The following CLDN10 variants were observed in gnomAD, a reference collection of about 807,000 sequenced individuals.
CLDN10 encodes the protein claudin 10.
In CLDN10, 15 loss-of-function variants were observed where a neutral mutation model predicts 22.9. The ratio of observed to expected loss-of-function variants is 0.65; its 90% confidence interval spans 0.44 to 1.01. The LOEUF is 1.01. CLDN10 is among the 50% of genes least tolerant of loss of function. The probability of loss-of-function intolerance (pLI) is 0.00; values close to 1 mark genes in which losing one functional copy is unlikely to be tolerated. For missense variants in CLDN10, 247 were observed against 287.8 expected (o/e 0.86, Z 1.03); for synonymous variants, 114 against 111.4 (o/e 1.02, Z -0.15).
upstream of CLDN10, among the ~76,000 whole-genome samples, chr13:95,548,807 G>A (rs939070979): frequency 3.9e-5 from 6 of 152,050 alleles, no homozygotes; most frequent in African/African-American, 1.2e-4. Context: ...TTAGCAGCAC[G>A]CCACCTCACT....
intron 1 of CLDN10, among the ~76,000 whole-genome samples, chr13:95,545,960 G>A (rs1005092605): frequency 6.6e-6 from 1 of 152,198 alleles, no homozygotes; most frequent in African/African-American, 2.4e-5. Flanking sequence ...CTTACTGTGT[G>A]TGTGGACTCA....
intron 1 of CLDN10, among the ~76,000 whole-genome samples, chr13:95,554,910 C>A (rs1424239853): frequency 6.6e-6 from 1 of 152,140 alleles, no homozygotes; most frequent in Non-Finnish European, 1.5e-5. Context: ...AGACTCCATT[C>A]CACTGAGAAA....
chr13:95,545,763 G>A (rs964755768), intron 1 of CLDN10, among the ~76,000 whole-genome samples: 17 of 152,068 alleles, frequency 1.1e-4, no homozygotes, highest in Middle Eastern at 3.4e-3. Flanking sequence ...GAGAAGGAGC[G>A]TCCACAGCAC....
intron 3 of CLDN10, among the ~76,000 whole-genome samples, chr13:95,564,535 T>G (rs751094962): frequency 7.9e-5 from 12 of 152,236 alleles, no homozygotes; most frequent in Non-Finnish European, 1.5e-4. Flanking sequence ...GAAAAGAGTT[T>G]AGACCTCAGA....
At chr13:95,473,831 C>T (rs778934655) in intron 1 of CLDN10, among the ~76,000 whole-genome samples, 11 of 152,226 alleles carry the variant, frequency 7.2e-5, no homozygotes, top group African/African-American at 1.4e-4. Context: ...CCAGCTCTGC[C>T]GCCAGGCTGT....
intron 1 of CLDN10, among the ~76,000 whole-genome samples, chr13:95,537,041 G>A (rs758439406): frequency 2.0e-5 from 3 of 152,176 alleles, no homozygotes; most frequent in Non-Finnish European, 4.4e-5. Context: ...TCAGAGCAGA[G>A]CTAAGGCTTG....
chr13:95,486,392 G>A (rs4432134), intron 1 of CLDN10, among the ~76,000 whole-genome samples: 87,303 of 151,656 alleles, frequency 0.58, 25,932 homozygotes, highest in African/African-American at 0.73. Flanking sequence ...GCATGGTGGC[G>A]TGCGCCTGTA....
In CLDN10 at chr13:95,552,993, C is replaced by T. The variant is rs907066795; in HGVS notation, c.220+20C>T. 1 of 1,612,118 alleles carries T rather than the reference C, an allele frequency of 6.2e-7. No homozygotes were observed. The highest frequency in any genetic ancestry group is 1.1e-5 in the South Asian group (1 of 90,926). On this transcript the variant is annotated intron_variant, in intron 1 of 4. Transcript: ENST00000299339. ...TGGACGGTCTGCATCCCCGCGGCCC[C>T]CGCCCTCAGCCCTCCTTCCTTGATG...
At chr13:95,577,166 A>G in intron 3 of CLDN10, 65 bp from the exon 4 acceptor site, 1 of 987,796 alleles carries the variant, frequency 1.0e-6, no homozygotes, top group South Asian at 1.4e-5. Flanking sequence ...GTTGACTATC[A>G]GTGTTAAATA....
chr13:95,549,627 A>G (rs1039960374), upstream of CLDN10, among the ~76,000 whole-genome samples: 2 of 152,184 alleles, frequency 1.3e-5, no homozygotes, highest in Admixed American at 1.3e-4. Flanking sequence ...GAAAGTTAAC[A>G]TTTTTCATTC....
chr13:95,483,863 A>G (rs1353745592), intron 1 of CLDN10, among the ~76,000 whole-genome samples: 1 of 152,166 alleles, frequency 6.6e-6, no homozygotes, highest in Non-Finnish European at 1.5e-5. Context: ...CTAACCCCCA[A>G]GGTGATGGTA....
chr13:95,563,145 C>G (rs923804378), intron 3 of CLDN10, among the ~76,000 whole-genome samples: 6 of 125,726 alleles, frequency 4.8e-5, no homozygotes, highest in African/African-American at 1.7e-4. Flanking sequence ...TGTCTGTATT[C>G]TCATCTGTAA....
At chr13:95,489,281 G>C (rs183952589) in intron 1 of CLDN10, among the ~76,000 whole-genome samples, 1 of 152,072 alleles carries the variant, frequency 6.6e-6, no homozygotes, top group Admixed American at 6.5e-5. Context: ...TCTCTACACT[G>C]TTTTCCATAG....
intron 1 of CLDN10, among the ~76,000 whole-genome samples, chr13:95,544,569 G>A (rs1185912170): frequency 6.6e-6 from 1 of 152,128 alleles, no homozygotes; most frequent in Admixed American, 6.6e-5. Flanking sequence ...GAACCACAAA[G>A]AGAGGTGTGT....
In CLDN10 at chr13:95,552,733, A is replaced by T. The variant is rs1367830411; in HGVS notation, c.-21A>T. ...GGCGCAGAGTGGGAGCCGGAGAGCG[A>T]GCGCGGCTGCAGCCGGCGGCATGGC... On this transcript the variant is annotated 5_prime_UTR_variant, in exon 1 of 5. Transcript: ENST00000299339. 2 of 1,600,890 alleles carry T rather than the reference A, an allele frequency of 1.2e-6. No individual in the cohort carries two copies. The highest frequency in any genetic ancestry group is 8.5e-7 in the Non-Finnish European group (1 of 1,174,252).
At chr13:95,505,749 CTTTTTTTTTTTTTT>C (rs34828390) in intron 1 of CLDN10, among the ~76,000 whole-genome samples, 1 of 103,738 alleles carries the variant, frequency 9.6e-6, no homozygotes, top group African/African-American at 3.6e-5. Context: ...CCTTCCCTTT[CTTTTTTTTTTTTTT>C]TTTTTTTTTG....
At chr13:95,552,403 G>A (rs183485884), upstream of CLDN10, among the ~76,000 whole-genome samples, 2,188 of 152,304 alleles carry the variant, frequency 0.014, 51 homozygotes, top group African/African-American at 0.049. Context: ...GGCGCAGCAG[G>A]TTGTCCACAC....
intron 1 of CLDN10, among the ~76,000 whole-genome samples, chr13:95,538,933 G>T (rs531621568): frequency 6.6e-6 from 1 of 152,228 alleles, no homozygotes; most frequent in Non-Finnish European, 1.5e-5. Context: ...AGGCTGGAGT[G>T]CAGTGGCACA....
chr13:95,548,106 T>C (rs922640979), upstream of CLDN10, among the ~76,000 whole-genome samples: 1 of 152,216 alleles, frequency 6.6e-6, no homozygotes, highest in Non-Finnish European at 1.5e-5. Context: ...CCAAAACATA[T>C]AAATTAACAT....
Sources: allele counts gnomAD v4.1 joint callset (sites outside exome capture counted in the v4.1 genomes callset), GRCh38; gene constraint gnomAD v4.1.1; transcripts MANE v1.5; gene names NCBI Gene and HGNC (gene_info 2026-07-23, HGNC 2026-07-21).